The following DRC8 variants were observed in gnomAD, a reference collection of about 807,000 sequenced individuals.
DRC8 encodes the protein dynein regulatory complex protein 8.
the DRC8 span, among the ~76,000 whole-genome samples, chr1:245,110,048 C>G: frequency 6.6e-6 from 1 of 152,100 alleles, no homozygotes; most frequent in Non-Finnish European, 1.5e-5. Flanking sequence ...TGGCCAATTG[C>G]GTAACTGGAG....
the DRC8 span, among the ~76,000 whole-genome samples, chr1:245,045,738 G>T: frequency 5.3e-5 from 8 of 151,390 alleles, no homozygotes; most frequent in African/African-American, 1.9e-4. Context: ...GACTTGGCAG[G>T]CCATTAGTCT....
At chr1:244,980,901 G>C in the DRC8 span, among the ~76,000 whole-genome samples, 1 of 152,184 alleles carries the variant, frequency 6.6e-6, no homozygotes, top group Non-Finnish European at 1.5e-5. Flanking sequence ...TGTTGACTGA[G>C]GCCGGGCGTG....
At chr1:244,985,474 AC>A in the DRC8 span, among the ~76,000 whole-genome samples, 1 of 152,212 alleles carries the variant, frequency 6.6e-6, no homozygotes, top group African/African-American at 2.4e-5. Context: ...GTCCTTACTT[AC>A]CGTGTTAGGC....
At chr1:245,059,307 A>G in the DRC8 span, 4 of 966,502 alleles carry the variant, frequency 4.1e-6, no homozygotes, top group East Asian at 2.5e-5. Flanking sequence ...ATTACAAAAT[A>G]TGCTCTGAGA....
At chr1:245,036,097 G>T in the DRC8 span, among the ~76,000 whole-genome samples, 1 of 152,110 alleles carries the variant, frequency 6.6e-6, no homozygotes, top group Non-Finnish European at 1.5e-5. Flanking sequence ...AAGATAAAGA[G>T]ACAAGCCACA....
chr1:244,978,995 A>G, the DRC8 span, among the ~76,000 whole-genome samples: 1 of 152,184 alleles, frequency 6.6e-6, no homozygotes, highest in Non-Finnish European at 1.5e-5. Context: ...AAGTGCTATG[A>G]TAGTTGCACA....
At chr1:245,107,221 T>C in the DRC8 span, 101,041 of 150,078 alleles carry the variant, frequency 0.67, 35,060 homozygotes, top group South Asian at 0.76. Flanking sequence ...GAGGCAGGAG[T>C]GAGGTCGAGT....
At chr1:245,041,425 C>G in the DRC8 span, among the ~76,000 whole-genome samples, 1 of 152,138 alleles carries the variant, frequency 6.6e-6, no homozygotes, top group South Asian at 2.1e-4. Context: ...AAAGATTGTT[C>G]TGGCTGCTGT....
the DRC8 span, among the ~76,000 whole-genome samples, chr1:245,039,111 A>T: frequency 2.0e-5 from 3 of 148,344 alleles, no homozygotes; most frequent in East Asian, 5.8e-4. Context: ...TGCATTATTC[A>T]CAATAGCCAA....
At chr1:245,048,810 A>G in the DRC8 span, among the ~76,000 whole-genome samples, 1 of 151,980 alleles carries the variant, frequency 6.6e-6, no homozygotes, top group African/African-American at 2.4e-5. Flanking sequence ...GAAATGCTTC[A>G]CTGTGGATCT....
chr1:245,120,270 G>A, the DRC8 span, among the ~76,000 whole-genome samples: 8 of 152,064 alleles, frequency 5.3e-5, no homozygotes, highest in African/African-American at 7.2e-5. Flanking sequence ...ATCCTTATGC[G>A]CCCTTCACGC....
At chr1:244,995,008 C>G in the DRC8 span, among the ~76,000 whole-genome samples, 6 of 152,262 alleles carry the variant, frequency 3.9e-5, no homozygotes, top group South Asian at 1.2e-3. Flanking sequence ...TGTTGTTTAA[C>G]AGGCTTTCCT....
the DRC8 span, chr1:244,971,048 C>T: frequency 6.3e-6 from 1 of 157,506 alleles, no homozygotes. Context: ...CGCGCTGGCG[C>T]AGCCTGATGG....
chr1:245,083,585 A>G, the DRC8 span: 5 of 1,592,710 alleles, frequency 3.1e-6, no homozygotes, highest in Non-Finnish European at 3.4e-6. Context: ...TATTCACCAA[A>G]TGAAAAATAT....
the DRC8 span, among the ~76,000 whole-genome samples, chr1:245,107,772 C>T: frequency 3.9e-5 from 6 of 152,162 alleles, no homozygotes; most frequent in Non-Finnish European, 8.8e-5. Context: ...TTCAGAGCTA[C>T]CCTTTAGTTG....
the DRC8 span, among the ~76,000 whole-genome samples, chr1:244,999,447 A>G: frequency 3.0e-3 from 461 of 152,264 alleles, 2 homozygotes; most frequent in African/African-American, 9.8e-3. Context: ...TTTTCCATTT[A>G]TATTCATGAT....
chr1:245,106,685 T>C, the DRC8 span, among the ~76,000 whole-genome samples: 5 of 152,244 alleles, frequency 3.3e-5, no homozygotes, highest in Non-Finnish European at 7.3e-5. Context: ...TGGGGAAATT[T>C]CTGCAGGAAT....
At chr1:245,034,623 A>AAAAAG in the DRC8 span, among the ~76,000 whole-genome samples, 158 of 139,668 alleles carry the variant, frequency 1.1e-3, no homozygotes, top group African/African-American at 3.6e-3. Flanking sequence ...AAAAAAAAAA[A>AAAAAG]AAAAGAAAAG....
the DRC8 span, among the ~76,000 whole-genome samples, chr1:245,081,322 T>C: frequency 1.3e-5 from 2 of 151,166 alleles, no homozygotes; most frequent in African/African-American, 2.4e-5. Flanking sequence ...CCACCATGCC[T>C]GGCTAATTTT....
Sources: allele counts gnomAD v4.1 joint callset (sites outside exome capture counted in the v4.1 genomes callset), GRCh38; gene constraint gnomAD v4.1.1; transcripts MANE v1.5; gene names NCBI Gene and HGNC (gene_info 2026-07-23, HGNC 2026-07-21).